The following ATRN variants were observed in gnomAD, a reference collection of about 807,000 sequenced individuals.
The protein encoded by ATRN is attractin-2.
ATRN carries 54 observed loss-of-function variants against 178.7 expected under a neutral mutation model. The ratio of observed to expected loss-of-function variants is 0.30; its 90% CI spans 0.24 to 0.38. The LOEUF (loss-of-function observed/expected upper bound fraction) is 0.38, where lower values mean the gene tolerates loss of function less well. ATRN is among the 10% of genes least tolerant of loss of function. ATRN has a pLI of 1.00. For missense variants in ATRN, 1,443 were observed against 1,815.1 expected (o/e 0.79, Z 3.73); for synonymous variants, 636 against 663.0 (o/e 0.96, Z 0.63).
chr20:3,626,781 C>CT (rs33999405), intron 25 of ATRN, among the ~76,000 whole-genome samples: 1,988 of 118,134 alleles, frequency 0.017, 80 homozygotes, highest in African/African-American at 0.052. Flanking sequence ...TGAATTATTT[C>CT]TTTTTTTTTT....
chr20:3,471,026 G>T lies in ATRN; in HGVS notation c.-82G>T, dbSNP rs1388499364. On this transcript the variant is annotated 5_prime_UTR_variant, in exon 1 of 29. Transcript: ENST00000262919. The stretch of plus-strand genomic sequence containing the variant: ...CACGAGCCACCGTCCGCACAGCCCC[G>T]CCCCGCACGGCCAGGCGAAGCGGAG... 4.3e-6 allele frequency: 6 copies of T among 1,403,404 alleles called. No homozygotes were observed. The allele number at this position is 1,403,404 out of a possible 1,614,324, so 86.9% of individuals were successfully genotyped here. A position where few individuals can be genotyped will look rare whatever the true frequency, so the allele number is the denominator to read the frequency against.
chr20:3,568,174 C>T (rs2086065010), intron 11 of ATRN, among the ~76,000 whole-genome samples: 1 of 151,690 alleles, frequency 6.6e-6, no homozygotes, highest in African/African-American at 2.4e-5. Context: ...GCATGTAGTC[C>T]CAGCTTCTCG....
chr20:3,555,592 T>A lies in ATRN; in HGVS notation c.1113-3801T>A, dbSNP rs1037289559. 9.8e-5 allele frequency among the ~76,000 whole-genome samples: 15 copies of A among 152,334 alleles called. 1 individual carries two copies. The South Asian group carries it at 2.7e-3, about 27-fold the overall frequency. On this transcript the variant is annotated intron_variant, in intron 6 of 28. Coordinates refer to ENST00000262919, the MANE Select transcript of ATRN (RefSeq NM_139321.3). ...CTCAGAGGAGAGGAGAGTCTGGGTA[T>A]TTTATTCTAACAGACTGCACTCTCA... is the stretch of plus-strand genomic sequence containing the variant.
At position 3,604,102 on chromosome 20, in the gene ATRN, C is replaced by A; in HGVS notation, c.3644-3C>A. ...CTTCTCTTTCATGTTTTTCTTTTAA[C>A]AGCTGGAACCCAGGCTGGAGAAGAG... On this transcript the variant is annotated splice_region_variant and splice_polypyrimidine_tract_variant and intron_variant, in intron 23 of 28. Transcript: ENST00000262919. The A allele has an allele frequency of 6.4e-7, 1 of 1,570,356 alleles. No homozygotes were observed.
At chr20:3,492,852 GA>G (rs1276742986) in intron 1 of ATRN, among the ~76,000 whole-genome samples, 132 of 120,868 alleles carry the variant, frequency 1.1e-3, no homozygotes, top group Non-Finnish European at 1.5e-3. Flanking sequence ...GAGAGAGAGA[GA>G]GGCGCGCGCG....
intron 8 of ATRN, 145 bp from the exon 9 acceptor site, chr20:3,562,131 G>A (rs2085961084): frequency 1.5e-6 from 1 of 684,792 alleles, no homozygotes; most frequent in Admixed American, 2.5e-5. Flanking sequence ...TAAGTTTTAG[G>A]TGGCTTTCTT....
intron 1 of ATRN, chr20:3,491,140 T>A (rs1392580984): frequency 1.9e-6 from 1 of 538,504 alleles, no homozygotes; most frequent in Non-Finnish European, 3.3e-6. Flanking sequence ...GATTATTAGC[T>A]CTCTGGGGGA....
At position 3,649,815 on chromosome 20, in the gene ATRN, T is replaced by A. The variant is rs1443987897; in HGVS notation, c.*2968T>A. ...GGGTTCTCCATTTTTTGTAGTTTTG[T>A]CTAAATTTTTAATGACCATTTCCTG... On this transcript the variant is annotated 3_prime_UTR_variant, in exon 29 of 29. Coordinates refer to ENST00000262919, the MANE Select transcript of ATRN (RefSeq NM_139321.3). 6.6e-6 allele frequency: 1 copy of A among 152,202 alleles called. No homozygotes were observed. Among genetic ancestry groups the A allele is most frequent in the Non-Finnish European group, 1.5e-5 (1 of 68,030 alleles). 9.4% of individuals were successfully genotyped at this position (152,202 alleles called of 1,614,324 possible).
At chr20:3,630,862 G>A (rs2086983909) in intron 25 of ATRN, among the ~76,000 whole-genome samples, 1 of 145,716 alleles carries the variant, frequency 6.9e-6, no homozygotes, top group Non-Finnish European at 1.5e-5. Context: ...CATGGCATGG[G>A]GAAGAAAATA....
intron 1 of ATRN, among the ~76,000 whole-genome samples, chr20:3,476,861 G>A (rs1022297346): frequency 1.3e-5 from 2 of 152,178 alleles, no homozygotes; most frequent in African/African-American, 2.4e-5. Context: ...ACTCTGTCTC[G>A]AAAGAAAGAA....
chr20:3,594,621 A>C lies in ATRN; in HGVS notation c.3416+49A>C, dbSNP rs770043041. On this transcript the variant is annotated intron_variant, in intron 20 of 28. Coordinates refer to ENST00000262919, the MANE Select transcript of ATRN (RefSeq NM_139321.3). Reference sequence around the variant, plus strand: ...ACCAGGGAGGACCAAGAGGCTGTGCAGCTGCCTGAACCCCACCCTGAGAGC... The same window carrying C: ...ACCAGGGAGGACCAAGAGGCTGTGCCGCTGCCTGAACCCCACCCTGAGAGC... The C allele has an allele frequency of 2.0e-6, 3 of 1,511,510 alleles. No individual in the cohort carries two copies. In the South Asian group the frequency reaches 3.7e-5, roughly 18 times the overall value. The allele number at this position is 1,511,510 out of a possible 1,614,324, so 93.6% of individuals were successfully genotyped here.
At position 3,650,503 on chromosome 20, in the gene ATRN, C is replaced by T. The variant is rs1157423915; in HGVS notation, c.*3656C>T. On this transcript the variant is annotated 3_prime_UTR_variant, in exon 29 of 29. Coordinates refer to ENST00000262919, the MANE Select transcript of ATRN (RefSeq NM_139321.3). ...GCCAGGACGGCAGAGGCCTCCTGGC[C>T]TCAGGGCATGCCCTGCCTACCTTCT... 1 of 152,452 alleles carries T rather than the reference C, an allele frequency of 6.6e-6. No individual in the cohort carries two copies. Among genetic ancestry groups the T allele is most frequent in the Non-Finnish European group, 1.5e-5 (1 of 68,044 alleles). The allele number at this position is 152,452 out of a possible 1,614,324, so 9.4% of individuals were successfully genotyped here. A position where few individuals can be genotyped will look rare whatever the true frequency, so the allele number is the denominator to read the frequency against.
intron 6 of ATRN, among the ~76,000 whole-genome samples, chr20:3,550,207 A>G (rs1159049617): frequency 6.6e-6 from 1 of 152,184 alleles, no homozygotes; most frequent in Non-Finnish European, 1.5e-5. Context: ...CGGCACCTGT[A>G]GTCTCAGCTG....
chr20:3,532,020 C>T (rs925113649), intron 1 of ATRN, among the ~76,000 whole-genome samples: 4 of 152,160 alleles, frequency 2.6e-5, no homozygotes, highest in African/African-American at 9.7e-5. Context: ...GTCTCAGCTA[C>T]TCCAGAGGCT....
rs147245947 is a variant in ATRN at position 3,560,815 on chromosome 20, A to T, written c.1357A>T (p.Thr453Ser). 2.8e-4 allele frequency: 451 copies of T among 1,614,164 alleles called. 5 individuals are homozygous for T. In the East Asian group the frequency reaches 6.4e-3, roughly 23 times the overall value. Residue 453 changes from threonine (T) to serine (S), a missense_variant, in exon 8 of 29, where the codon ACA (threonine) becomes TCA (serine). By Grantham distance (58) the Thr-to-Ser change is moderately conservative. Coordinates refer to ENST00000262919, the MANE Select transcript of ATRN (RefSeq NM_139321.3). Reference sequence around the variant, plus strand: ...GGTTGGGCACTCTGCACACATTGTTACACTGAAGAATGGCCGAGTGGTCAT... The same window carrying T: ...GGTTGGGCACTCTGCACACATTGTTTCACTGAAGAATGGCCGAGTGGTCAT... ...AVVGHSAHIV[T>S]LKNGRVVMLV...
At position 3,560,886 on chromosome 20, in the gene ATRN, T is replaced by C. The variant is rs2146221279; in HGVS notation, c.1428T>C (p.Asn476=). The change falls in exon 8 of 29, where the codon AAT becomes AAC. Residue 476 remains asparagine (N), a synonymous_variant. Transcript: ENST00000262919. ...GHCPLYGYIS[N]VQEYDLDKNT... is the part of the protein sequence containing the mutation. ...GCCCTCTCTATGGATATATAAGCAA[T>C]GTGCAGGAATATGATTTGGGTAGGT... 2 of 1,614,004 alleles carry C rather than the reference T, an allele frequency of 1.2e-6. No homozygotes were observed. Among genetic ancestry groups the C allele is most frequent in the Middle Eastern group, 1.6e-4 (1 of 6,062 alleles).
chr20:3,624,710 G>A (rs2086923355), intron 25 of ATRN, 138 bp downstream of exon 25: 2 of 734,622 alleles, frequency 2.7e-6, no homozygotes, highest in Non-Finnish European at 4.5e-6. Context: ...ATGTGTTCCT[G>A]AAAAGTTAGA....
intron 1 of ATRN, among the ~76,000 whole-genome samples, chr20:3,494,069 AG>A (rs2084844837): frequency 6.6e-6 from 1 of 152,192 alleles, no homozygotes; most frequent in African/African-American, 2.4e-5. Context: ...ACCACGGAGA[AG>A]GCATTAATTA....
At chr20:3,536,780 G>A (rs1011928871) in intron 2 of ATRN, among the ~76,000 whole-genome samples, 1 of 152,160 alleles carries the variant, frequency 6.6e-6, no homozygotes, top group Non-Finnish European at 1.5e-5. Flanking sequence ...TGTGGTTGAA[G>A]CGTGTCAAGA....
Sources: allele counts gnomAD v4.1 joint callset (sites outside exome capture counted in the v4.1 genomes callset), GRCh38; gene constraint gnomAD v4.1.1; transcripts MANE v1.5; gene names NCBI Gene and HGNC (gene_info 2026-07-23, HGNC 2026-07-21).